Variants in IRS2 observed in about 807,000 individuals in gnomAD.
IRS2 encodes the protein insulin receptor substrate 2.
A neutral mutation model predicts 70.9 loss-of-function variants in IRS2; 28 were observed. The ratio of observed to expected loss-of-function variants is 0.39; its 90% CI spans 0.29 to 0.54. The LOEUF is 0.54. Ranked by LOEUF, IRS2 falls within the 20% of genes least tolerant of loss-of-function variation. IRS2 has a pLI of 0.59. For synonymous variants in IRS2, 1,217 were observed against 981.9 expected, an observed-to-expected ratio of 1.24 and a Z score of -4.48; for missense variants, 2,081 against 2,024.1, an observed-to-expected ratio of 1.03 and a Z score of -0.54.
At chr13:109,779,021 A>G (rs1877639767) in intron 1 of IRS2, among the ~76,000 whole-genome samples, 1 of 82,606 alleles carries the variant, frequency 1.2e-5, no homozygotes, top group Non-Finnish European at 3.3e-5. Context: ...AAAACACATG[A>G]TAAGTAACCT....
chr13:109,785,781 C>G lies in IRS2; in HGVS notation c.273G>C (p.Arg91=). ...KWRSKAGAPK[R]VIALDCCLNI... ...TCAGGCAGCAGTCGAGAGCGATCAC[C>G]CGTTTCGGCGCGCCTGCCTTGCTCC... Residue 91 remains arginine, a synonymous_variant, in exon 1 of 2, where the codon CGG becomes CGC. Transcript: ENST00000375856. The surrounding 1 kb of genome is among the most constrained non-coding windows in gnomAD (Gnocchi z 9.3). The G allele has an allele frequency of 1.3e-6, 2 of 1,589,194 alleles. No individual in the cohort carries two copies. The highest frequency in any genetic ancestry group is 8.5e-7 in the Non-Finnish European group (1 of 1,175,186).
intron 1 of IRS2, among the ~76,000 whole-genome samples, chr13:109,765,900 G>A (rs1157752814): frequency 1.9e-4 from 12 of 64,622 alleles, no homozygotes; most frequent in South Asian, 8.8e-4. Context: ...TCCCCACCAA[G>A]CATGTAGATA....
At chr13:109,759,149 G>A (rs959844227) in intron 1 of IRS2, among the ~76,000 whole-genome samples, 7 of 152,202 alleles carry the variant, frequency 4.6e-5, no homozygotes, top group Admixed American at 2.0e-4. Context: ...CAACGTGCAT[G>A]TGTCTCACCT....
At chr13:109,776,295 C>T (rs560378137) in intron 1 of IRS2, among the ~76,000 whole-genome samples, 1 of 152,268 alleles carries the variant, frequency 6.6e-6, no homozygotes, top group South Asian at 2.1e-4. Flanking sequence ...ATTTTATAAA[C>T]CTTGTGTATA....
At chr13:109,763,491 C>A (rs960870335) in intron 1 of IRS2, among the ~76,000 whole-genome samples, 2 of 152,200 alleles carry the variant, frequency 1.3e-5, no homozygotes, top group Admixed American at 6.5e-5. Flanking sequence ...CTAAATACAT[C>A]CTACACTAGC....
In IRS2 at chr13:109,782,949, C is replaced by CGGCGGT. The variant is rs761851705; in HGVS notation, c.3099_3104dup (p.Pro1035_Pro1036dup). ...GGCGGTACAGCTCCCCCGGGGCCGGCGGCGGTGGCGGCGGCTGCAGAGACG... is the reference window on the plus strand; with the variant it reads ...GGCGGTACAGCTCCCCCGGGGCCGGCGGCGGTGGCGGTGGCGGCGGCTGCAGAGACG... On this transcript the variant is annotated inframe_insertion, in exon 1 of 2. Transcript: ENST00000375856. 1 of 1,432,658 alleles carries CGGCGGT rather than the reference C, an allele frequency of 7.0e-7. No homozygotes were observed. The highest frequency in any genetic ancestry group is 2.8e-5 in the East Asian group (1 of 35,408). 88.7% of individuals were successfully genotyped at this position (1,432,658 alleles called of 1,614,324 possible). A position where few individuals can be genotyped will look rare whatever the true frequency, so the allele number is the denominator to read the frequency against.
At chr13:109,780,214 A>T (rs1877665793) in intron 1 of IRS2, among the ~76,000 whole-genome samples, 1 of 152,080 alleles carries the variant, frequency 6.6e-6, no homozygotes, top group Admixed American at 6.5e-5. Context: ...TTTCATGTTC[A>T]CTCTGGCATA....
chr13:109,756,283 G>A lies in IRS2; in HGVS notation c.*21C>T. The A allele has an allele frequency of 1.9e-6, 3 of 1,601,434 alleles. No individual in the cohort carries two copies. Among genetic ancestry groups the A allele is most frequent in the East Asian group, 2.2e-5 (1 of 44,810 alleles). On this transcript the variant is annotated 3_prime_UTR_variant, in exon 2 of 2. Transcript: ENST00000375856. Reference sequence around the variant, plus strand: ...ATACTCTCTGACATGTGACATCCTGGTGATAAAGCCAGACAGATCTTCACT... The same window carrying A: ...ATACTCTCTGACATGTGACATCCTGATGATAAAGCCAGACAGATCTTCACT...
intron 1 of IRS2, among the ~76,000 whole-genome samples, chr13:109,763,627 T>C (rs2138914063): frequency 6.6e-6 from 1 of 152,326 alleles, no homozygotes; most frequent in African/African-American, 2.4e-5. Flanking sequence ...GCCCTAAGAG[T>C]ATTTGGGCCA....
chr13:109,775,633 A>C (rs1164404567), intron 1 of IRS2, among the ~76,000 whole-genome samples: 1 of 152,150 alleles, frequency 6.6e-6, no homozygotes, highest in Non-Finnish European at 1.5e-5. Flanking sequence ...GCAGTAGACT[A>C]TGCTTAAGTT....
Position 109,783,606 on chromosome 13 carries a change from A to G in IRS2, c.2448T>C (p.Cys816=), listed in dbSNP as rs4773092. 0.59 allele frequency: 906,658 copies of G among 1,548,250 alleles called. 267,094 individuals carry two copies. The highest frequency in any genetic ancestry group is 0.68 in the Admixed American group (34,724 of 51,316). The change falls in exon 1 of 2, where the codon TGT becomes TGC. Residue 816 remains cysteine (C), a synonymous_variant. Transcript: ENST00000375856. ...GCACGTACTGGTCGCTGTCCCCGCC[A>G]CAGGTGTAGGGGGCCTTGTAGGAGC... The part of the protein sequence containing the change: ...LPRSYKAPYT[C]GGDSDQYVLM...
At chr13:109,778,940 C>T (rs548013934) in intron 1 of IRS2, among the ~76,000 whole-genome samples, 17 of 152,250 alleles carry the variant, frequency 1.1e-4, no homozygotes, top group East Asian at 5.8e-4. Flanking sequence ...AATTCAGTAG[C>T]GTCTTTCCAA....
In IRS2 at chr13:109,754,037, C is replaced by T. The variant is rs1336406629; in HGVS notation, c.*2267G>A. On this transcript the variant is annotated 3_prime_UTR_variant, in exon 2 of 2. Transcript: ENST00000375856. ...TAAGTCTCTTGTCATATCACAATAG[C>T]AAGAAATATATTTAACATCTTGATA... The T allele has an allele frequency of 4.3e-6, 1 of 230,502 alleles. No homozygotes were observed. Among genetic ancestry groups the T allele is most frequent in the Non-Finnish European group, 8.6e-6 (1 of 116,256 alleles). The allele number at this position is 230,502 out of a possible 1,614,324, so 14.3% of individuals were successfully genotyped here.
intron 1 of IRS2, among the ~76,000 whole-genome samples, chr13:109,781,466 C>T (rs1223273415): frequency 6.6e-6 from 1 of 152,228 alleles, no homozygotes; most frequent in Non-Finnish European, 1.5e-5. Context: ...GATGGAAAAG[C>T]TCCCACAGTT....
Position 109,785,779 on chromosome 13 carries a change from A to G in IRS2, c.275T>C (p.Val92Ala). The G allele has an allele frequency of 6.3e-7, 1 of 1,584,388 alleles. No homozygotes were observed. The part of the protein sequence containing the change: ...WRSKAGAPKR[V>A]IALDCCLNIN... ...GTTCAGGCAGCAGTCGAGAGCGATCACCCGTTTCGGCGCGCCTGCCTTGCT... is the reference window on the plus strand; with the variant it reads ...GTTCAGGCAGCAGTCGAGAGCGATCGCCCGTTTCGGCGCGCCTGCCTTGCT... Residue 92 changes from valine (V) to alanine (A), a missense_variant, in exon 1 of 2, where the codon GTG (valine) becomes GCG (alanine). Val to Ala is a moderately conservative substitution (Grantham distance 64). This residue lies in a region of IRS2 where 320 missense variants were observed against 352.9 expected (regional missense o/e 0.91). Coordinates refer to ENST00000375856, the MANE Select transcript of IRS2 (RefSeq NM_003749.3). The surrounding 1 kb of genome is among the most constrained non-coding windows in gnomAD (Gnocchi z 9.3).
chr13:109,769,790 T>C (rs749195636), intron 1 of IRS2, among the ~76,000 whole-genome samples: 1 of 152,242 alleles, frequency 6.6e-6, no homozygotes, highest in Non-Finnish European at 1.5e-5. Context: ...ATTGCTCAAA[T>C]GGATGAAGTA....
At chr13:109,761,173 C>G (rs1011540148) in intron 1 of IRS2, among the ~76,000 whole-genome samples, 5 of 152,178 alleles carry the variant, frequency 3.3e-5, no homozygotes, top group Admixed American at 2.6e-4. Context: ...TTACGGCCAC[C>G]ACGTAGGGCC....
chr13:109,783,442 C>T lies in IRS2; in HGVS notation c.2612G>A (p.Arg871Gln), dbSNP rs776434407. ...PPHPVVPSPV[R>Q]PSGGRPEGFL... ...GCCCTCCGGGCGGCCGCCGCTAGGCCGCACGGGCGAAGGCACTACAGGGTG... is the reference window on the plus strand; with the variant it reads ...GCCCTCCGGGCGGCCGCCGCTAGGCTGCACGGGCGAAGGCACTACAGGGTG... The change falls in exon 1 of 2, where the codon CGG becomes CAG. Residue 871 changes from arginine (R) to glutamine (Q), a missense_variant. Arg to Gln is a conservative substitution (Grantham distance 43). Around this residue, in one of 4 missense-constraint regions of IRS2, gnomAD observed 1,615 missense variants for 1,459.5 expected, o/e 1.11. Coordinates refer to ENST00000375856, the MANE Select transcript of IRS2 (RefSeq NM_003749.3). The T allele has an allele frequency of 2.0e-6, 3 of 1,525,038 alleles. No homozygotes were observed. The Middle Eastern group carries it at 5.6e-4, about 285-fold the overall frequency. 94.5% of individuals were successfully genotyped at this position (1,525,038 alleles called of 1,614,324 possible).
chr13:109,759,748 G>A (rs1172890044), intron 1 of IRS2, among the ~76,000 whole-genome samples: 1 of 152,056 alleles, frequency 6.6e-6, no homozygotes, highest in African/African-American at 2.4e-5. Flanking sequence ...ACACGTGCAA[G>A]GGCTCAGGAG....
Sources: gnomAD v4.1 joint callset for allele counts (sites outside exome capture counted in the v4.1 genomes callset) on GRCh38, gnomAD v4.1.1 for gene constraint, gnomAD v4.1.1 regional missense constraint, Gnocchi (gnomAD v3.1) non-coding constraint, MANE v1.5 for transcripts, NCBI Gene and HGNC (gene_info 2026-07-23, HGNC 2026-07-21) for gene names.